CTXN2: variants seen among roughly 807,000 people sequenced by gnomAD.
CTXN2 encodes the protein cortexin-2.
CTXN2 carries 3 observed loss-of-function variants against 5.7 expected under a neutral mutation model. That is an observed-to-expected ratio of 0.53 (90% CI 0.24 to 1.36). The LOEUF (loss-of-function observed/expected upper bound fraction) is 1.36. Among genes scored for constraint, CTXN2 ranks in the 40% most tolerant of loss-of-function variants. The pLI, the probability that CTXN2 is intolerant of heterozygous loss-of-function variation, is 0.17. For missense variants in CTXN2, 87 were observed against 93.0 expected, an observed-to-expected ratio of 0.94 and a Z score of 0.26; for synonymous variants, 38 against 36.4, an observed-to-expected ratio of 1.04 and a Z score of -0.16.
At chr15:48,180,133 A>G (rs943314303) in intron 1 of CTXN2, among the ~76,000 whole-genome samples, 18 of 152,220 alleles carry the variant, frequency 1.2e-4, no homozygotes, top group Non-Finnish European at 2.6e-4. Context: ...ACTGGCCCAC[A>G]TGCCTTAGTT....
intron 1 of CTXN2, among the ~76,000 whole-genome samples, chr15:48,185,087 G>A (rs2040736078): frequency 6.6e-6 from 1 of 152,056 alleles, no homozygotes; most frequent in South Asian, 2.1e-4. Context: ...CATACATTCT[G>A]GAAAAGAGAA....
chr15:48,180,669 GC>G (rs2040694508), intron 1 of CTXN2, among the ~76,000 whole-genome samples: 1 of 152,110 alleles, frequency 6.6e-6, no homozygotes, highest in African/African-American at 2.4e-5. Flanking sequence ...CCGCCAGCAG[GC>G]CCGGCTAATT....
At chr15:48,200,305 A>G (rs1354223239) in intron 1 of CTXN2, among the ~76,000 whole-genome samples, 1 of 152,184 alleles carries the variant, frequency 6.6e-6, no homozygotes, top group Admixed American at 6.6e-5. Flanking sequence ...AATTAAATTT[A>G]TCTTTATTTG....
chr15:48,179,951 T>C (rs1331382542), intron 1 of CTXN2, among the ~76,000 whole-genome samples: 1 of 152,158 alleles, frequency 6.6e-6, no homozygotes, highest in African/African-American at 2.4e-5. Flanking sequence ...ATCAACTCAA[T>C]GCAAGATTTT....
At chr15:48,198,220 CTGAG>C (rs2040897075) in intron 1 of CTXN2, among the ~76,000 whole-genome samples, 1 of 152,040 alleles carries the variant, frequency 6.6e-6, no homozygotes, top group Non-Finnish European at 1.5e-5. Flanking sequence ...GAAAGAGCTA[CTGAG>C]TTTTTATACT....
intron 1 of CTXN2, among the ~76,000 whole-genome samples, chr15:48,179,648 A>G (rs923965060): frequency 6.6e-6 from 1 of 152,156 alleles, no homozygotes; most frequent in Admixed American, 6.5e-5. Flanking sequence ...CAATCTCTCT[A>G]CAATAAATAG....
At chr15:48,199,504 T>C (rs1179535915) in intron 1 of CTXN2, among the ~76,000 whole-genome samples, 1 of 152,200 alleles carries the variant, frequency 6.6e-6, no homozygotes, top group East Asian at 1.9e-4. Flanking sequence ...CTGAATCATC[T>C]CCTTGGTCCA....
rs141910555 is a variant in CTXN2, at chr15:48,201,198, A to G, written c.-57-46A>G. On this transcript the variant is annotated intron_variant, in intron 1 of 1. Transcript: ENST00000417307. The stretch of plus-strand genomic sequence containing the variant: ...ATTTTATTAAGCAACAACCTACCCA[A>G]TACCATACAAGGGTAAAACTAAACT... 1.2e-4 allele frequency: 148 copies of G among 1,218,970 alleles called. 1 individual carries two copies. In the East Asian group the frequency reaches 2.4e-3, roughly 20 times the overall value. 75.5% of individuals were successfully genotyped at this position (1,218,970 alleles called of 1,614,324 possible). A position where few individuals can be genotyped will look rare whatever the true frequency, so the allele number is the denominator to read the frequency against.
intron 1 of CTXN2, among the ~76,000 whole-genome samples, chr15:48,179,828 A>G (rs2040679876): frequency 6.6e-6 from 1 of 152,254 alleles, no homozygotes; most frequent in Non-Finnish European, 1.5e-5. Context: ...GCACTAAATT[A>G]TAAGTACTTT....
upstream of CTXN2, chr15:48,190,261 C>T (rs2040802183): frequency 6.6e-6 from 1 of 152,202 alleles, no homozygotes; most frequent in Non-Finnish European, 1.5e-5. Context: ...GCATGTTATA[C>T]TTCAAGAAGC....
intron 1 of CTXN2, among the ~76,000 whole-genome samples, chr15:48,197,337 T>A (rs1046483433): frequency 1.3e-5 from 2 of 152,108 alleles, no homozygotes; most frequent in African/African-American, 4.8e-5. Context: ...AAAGGAGTGC[T>A]GCTTATCCAC....
upstream of CTXN2, chr15:48,189,097 A>C (rs748499843): frequency 2.0e-5 from 3 of 152,202 alleles, no homozygotes; most frequent in Non-Finnish European, 2.9e-5. Flanking sequence ...TTTTGAGAGC[A>C]TCATTACCTT....
chr15:48,185,773 A>C (rs1487864624), intron 1 of CTXN2, among the ~76,000 whole-genome samples: 1 of 152,180 alleles, frequency 6.6e-6, no homozygotes, highest in Non-Finnish European at 1.5e-5. Context: ...TGGTGAAATT[A>C]AGCCAAGAGG....
At chr15:48,193,770 C>G (rs2040849956) in intron 1 of CTXN2, among the ~76,000 whole-genome samples, 1 of 152,006 alleles carries the variant, frequency 6.6e-6, no homozygotes, top group African/African-American at 2.4e-5. Flanking sequence ...ATTTTCATAT[C>G]ATATTATGCT....
intron 1 of CTXN2, among the ~76,000 whole-genome samples, chr15:48,184,734 G>A (rs2040731703): frequency 6.6e-6 from 1 of 152,084 alleles, no homozygotes; most frequent in Non-Finnish European, 1.5e-5. Flanking sequence ...AAGACAGTAT[G>A]GCAATTTCTT....
In CTXN2 at chr15:48,191,862, T is replaced by C. The variant is rs1209878823; in HGVS notation, c.-58+9T>C. The C allele has an allele frequency of 2.2e-6, 1 of 455,542 alleles. No individual in the cohort carries two copies. The highest frequency in any genetic ancestry group is 4.4e-6 in the Non-Finnish European group (1 of 226,508). 28.2% of individuals were successfully genotyped at this position (455,542 alleles called of 1,614,324 possible). ...GGCAACAAGCATGGAAGGTGAGACATCGCTGTCTGCGAAGTAACTTTCTCC... is the reference window on the plus strand; with the variant it reads ...GGCAACAAGCATGGAAGGTGAGACACCGCTGTCTGCGAAGTAACTTTCTCC... On this transcript the variant is annotated intron_variant, in intron 1 of 1. Coordinates refer to ENST00000417307, the MANE Select transcript of CTXN2 (RefSeq NM_001145668.2).
upstream of CTXN2, among the ~76,000 whole-genome samples, chr15:48,186,909 CAAAAAAA>C (rs751653728): frequency 0.014 from 611 of 44,562 alleles, 1 homozygote; most frequent in Admixed American, 0.024. Flanking sequence ...GACTCCATCT[CAAAAAAA>C]AAAAAAAAAA....
At chr15:48,182,401 A>T (rs2040707701) in intron 1 of CTXN2, among the ~76,000 whole-genome samples, 1 of 152,202 alleles carries the variant, frequency 6.6e-6, no homozygotes, top group Admixed American at 6.5e-5. Flanking sequence ...CATTTCATGA[A>T]ACTAAACAGA....
rs756882910 is a variant in CTXN2 at position 48,203,478 on chromosome 15, T to G, written c.*1932T>G. The G allele has an allele frequency of 3.6e-5, 6 of 167,028 alleles. No individual in the cohort carries two copies. Among genetic ancestry groups the G allele is most frequent in the Non-Finnish European group, 7.3e-5 (5 of 68,104 alleles). 10.3% of individuals were successfully genotyped at this position (167,028 alleles called of 1,614,324 possible). On this transcript the variant is annotated 3_prime_UTR_variant, in exon 2 of 2. Coordinates refer to ENST00000417307, the MANE Select transcript of CTXN2 (RefSeq NM_001145668.2). ...AACTGAACATACTGAAAATTGTGTGTGCCAGGAAACTAGGTCTCTTTGTTG... is the reference window on the plus strand; with the variant it reads ...AACTGAACATACTGAAAATTGTGTGGGCCAGGAAACTAGGTCTCTTTGTTG...
Sources: gnomAD v4.1 joint callset for allele counts (sites outside exome capture counted in the v4.1 genomes callset) on GRCh38, gnomAD v4.1.1 for gene constraint, MANE v1.5 for transcripts, NCBI Gene and HGNC (gene_info 2026-07-23, HGNC 2026-07-21) for gene names.